The following QSOX2 variants were observed in gnomAD, a reference collection of about 807,000 sequenced individuals.
QSOX2 encodes the protein quiescin sulfhydryl oxidase 2.
In QSOX2, 46 loss-of-function variants were observed where a neutral mutation model predicts 61.7. The observed-to-expected ratio is 0.75, with a 90% confidence interval of 0.59 to 0.95. The LOEUF (loss-of-function observed/expected upper bound fraction) is 0.95. QSOX2 is among the 40% of genes least tolerant of loss of function. The pLI is 0.00. For synonymous variants in QSOX2, 383 were observed against 388.4 expected (o/e 0.99, Z 0.16); for missense variants, 879 against 918.9 (o/e 0.96, Z 0.56).
rs1231358774 is a variant in QSOX2 at position 136,207,877 on chromosome 9, C to T, written c.*851G>A. ...AGCCCAGAGCTGCCCTCCAGGCACC[C>T]GCCGTCCCAACGGCCCCCATTTACT... On this transcript the variant is annotated 3_prime_UTR_variant, in exon 12 of 12. Coordinates refer to ENST00000358701, the MANE Select transcript of QSOX2 (RefSeq NM_181701.4). 1.3e-5 allele frequency: 2 copies of T among 152,412 alleles called. No individual in the cohort carries two copies. The highest frequency in any genetic ancestry group is 1.3e-4 in the Admixed American group (2 of 15,308). 9.4% of individuals were successfully genotyped at this position (152,412 alleles called of 1,614,324 possible).
At chr9:136,241,587 G>A (rs1204570204) in intron 1 of QSOX2, among the ~76,000 whole-genome samples, 1 of 152,148 alleles carries the variant, frequency 6.6e-6, no homozygotes, top group Admixed American at 6.5e-5. Context: ...GAACTGCCAT[G>A]GCTCCAGGTC....
chr9:136,213,973 G>A (rs1260358884), intron 10 of QSOX2, among the ~76,000 whole-genome samples: 1 of 152,184 alleles, frequency 6.6e-6, no homozygotes, highest in African/African-American at 2.4e-5. Flanking sequence ...AGCAAACAGT[G>A]GTGGCTGCTT....
chr9:136,239,139 T>C (rs1359961857), intron 1 of QSOX2, among the ~76,000 whole-genome samples: 7 of 152,164 alleles, frequency 4.6e-5, no homozygotes, highest in African/African-American at 1.7e-4. Context: ...CCAGTTTCTT[T>C]CTAATTGGTC....
intron 7 of QSOX2, 70 bp downstream of exon 7, chr9:136,218,960 C>CCCTGCAAG (rs1831947830): frequency 1.3e-6 from 2 of 1,587,228 alleles, no homozygotes; most frequent in Admixed American, 1.7e-5. Context: ...AGTAAACCCG[C>CCCTGCAAG]CCTGCAAGCA....
At chr9:136,225,952 C>T (rs916887914) in intron 2 of QSOX2, among the ~76,000 whole-genome samples, 2 of 152,242 alleles carry the variant, frequency 1.3e-5, no homozygotes, top group Non-Finnish European at 2.9e-5. Flanking sequence ...AGCAAGTGTG[C>T]GACACAGGCC....
chr9:136,239,657 G>C (rs904827650), intron 1 of QSOX2, among the ~76,000 whole-genome samples: 1 of 152,244 alleles, frequency 6.6e-6, no homozygotes, highest in Admixed American at 6.5e-5. Context: ...GCAGCACCTC[G>C]ACCTGCCTCA....
Position 136,211,456 on chromosome 9 carries a change from C to G in QSOX2, c.1361-4G>C. On this transcript the variant is annotated splice_region_variant and splice_polypyrimidine_tract_variant and intron_variant, in intron 10 of 11. Coordinates refer to ENST00000358701, the MANE Select transcript of QSOX2 (RefSeq NM_181701.4). ...GCCTGGGGGTCGTCTTCAAAGCCTGCAGGGGAAGAAACACTGCTGACAACG... is the reference window on the plus strand; with the variant it reads ...GCCTGGGGGTCGTCTTCAAAGCCTGGAGGGGAAGAAACACTGCTGACAACG... The G allele has an allele frequency of 1.2e-6, 2 of 1,612,890 alleles. No individual in the cohort carries two copies. Among genetic ancestry groups the G allele is most frequent in the Non-Finnish European group, 1.7e-6 (2 of 1,178,996 alleles).
intron 1 of QSOX2, among the ~76,000 whole-genome samples, chr9:136,232,917 C>CAAAAA (rs60814748): frequency 6.6e-5 from 3 of 45,496 alleles, no homozygotes; most frequent in African/African-American, 1.5e-4. Context: ...GAACCTGTCT[C>CAAAAA]AAAAAAAAAA....
At chr9:136,235,673 C>T (rs1830374804) in intron 1 of QSOX2, among the ~76,000 whole-genome samples, 1 of 152,216 alleles carries the variant, frequency 6.6e-6, no homozygotes, top group Non-Finnish European at 1.5e-5. Context: ...GCATAGAGCG[C>T]TGGCATCAGC....
At chr9:136,228,125 C>T in intron 1 of QSOX2, among the ~76,000 whole-genome samples, 1 of 152,284 alleles carries the variant, frequency 6.6e-6, no homozygotes, top group South Asian at 2.1e-4. Context: ...AGATTCTTGT[C>T]TGATTTGTTT....
At chr9:136,213,096 A>G (rs998549273) in intron 10 of QSOX2, among the ~76,000 whole-genome samples, 2 of 152,172 alleles carry the variant, frequency 1.3e-5, no homozygotes, top group Admixed American at 6.5e-5. Flanking sequence ...GCCTTCAAGG[A>G]GCCGTTCCTC....
chr9:136,232,439 G>A (rs1292693259), intron 1 of QSOX2, among the ~76,000 whole-genome samples: 2 of 152,102 alleles, frequency 1.3e-5, no homozygotes, highest in Non-Finnish European at 2.9e-5. Context: ...TGAGCCACAC[G>A]GCCTAGAAAT....
At chr9:136,216,917 C>A (rs545538987) in intron 8 of QSOX2, among the ~76,000 whole-genome samples, 195 bp from the exon 9 acceptor site, 1 of 152,224 alleles carries the variant, frequency 6.6e-6, no homozygotes, top group South Asian at 2.1e-4. Flanking sequence ...ATCTAGCCTG[C>A]GCCTCTCCCC....
At chr9:136,215,718 T>C (rs1831904107) in intron 9 of QSOX2, among the ~76,000 whole-genome samples, 1 of 152,178 alleles carries the variant, frequency 6.6e-6, no homozygotes, top group African/African-American at 2.4e-5. Flanking sequence ...TGTGTTCACT[T>C]TGAAAAAGCA....
chr9:136,213,234 T>C (rs909949704), intron 10 of QSOX2, among the ~76,000 whole-genome samples: 1 of 141,292 alleles, frequency 7.1e-6, no homozygotes, highest in African/African-American at 2.6e-5. Context: ...TCAGAAGCAG[T>C]TTTGTTGTGT....
At chr9:136,219,325 C>T (rs1831953824) in intron 6 of QSOX2, among the ~76,000 whole-genome samples, 161 bp from the exon 7 acceptor site, 1 of 152,194 alleles carries the variant, frequency 6.6e-6, no homozygotes, top group Non-Finnish European at 1.5e-5. Flanking sequence ...GCCTGGGCTC[C>T]GGCTGCGCTT....
intron 7 of QSOX2, 74 bp from the exon 8 acceptor site, chr9:136,218,882 T>TC (rs1311109663): frequency 1.9e-6 from 3 of 1,581,676 alleles, no homozygotes; most frequent in Non-Finnish European, 2.6e-6. Context: ...TCCTGGCTCC[T>TC]CCCCACGGAC....
Position 136,222,345 on chromosome 9 carries a change from C to T in QSOX2, c.676-404G>A, listed in dbSNP as rs116581266. Among the ~76,000 whole-genome samples the T allele has an allele frequency of 0.017, 2,539 of 152,222 alleles. 65 individuals are homozygous for T. Among genetic ancestry groups the T allele is most frequent in the African/African-American group, 0.057 (2,377 of 41,518 alleles). ...GCCGGGGCAGCAGGCCTCGTGCTGC[C>T]GCTCCTCCCCAGCCACCCTGCTCCT... On this transcript the variant is annotated intron_variant, in intron 5 of 11. Transcript: ENST00000358701. This position sits in a 1 kb window ranked among gnomAD's most constrained non-coding sequence, Gnocchi z 6.9.
At position 136,226,704 on chromosome 9, in the gene QSOX2, C is replaced by T. The variant is rs74362400; in HGVS notation, c.429+70G>A. On this transcript the variant is annotated intron_variant, in intron 2 of 11. Coordinates refer to ENST00000358701, the MANE Select transcript of QSOX2 (RefSeq NM_181701.4). The stretch of plus-strand genomic sequence containing the variant: ...TGGCGAATTTCAACAGACAAGCAGC[C>T]GCGTGATGCTCACCTGGAAGGTGGG... 2.0e-3 allele frequency: 2,525 copies of T among 1,258,280 alleles called. 26 individuals carry two copies. In the East Asian group the frequency reaches 0.031, roughly 15 times the overall value. 77.9% of individuals were successfully genotyped at this position (1,258,280 alleles called of 1,614,324 possible). A position where few individuals can be genotyped will look rare whatever the true frequency, so the allele number is the denominator to read the frequency against.
Sources: gnomAD v4.1 joint callset for allele counts (sites outside exome capture counted in the v4.1 genomes callset) on GRCh38, gnomAD v4.1.1 for gene constraint, Gnocchi (gnomAD v3.1) non-coding constraint, MANE v1.5 for transcripts, NCBI Gene and HGNC (gene_info 2026-07-23, HGNC 2026-07-21) for gene names.